Variants in SOBP observed in about 807,000 individuals in gnomAD.
SOBP encodes the protein sine oculis binding protein homolog.
Under a neutral mutation model 53.6 loss-of-function variants are expected in SOBP, and 4 were observed. The observed-to-expected ratio is 0.07, with a 90% CI of 0.04 to 0.17. The LOEUF (loss-of-function observed/expected upper bound fraction) is 0.17, where lower values mean the gene tolerates loss of function less well. SOBP is among the 10% of genes least tolerant of loss of function. The probability of loss-of-function intolerance (pLI) is 1.00; values close to 1 mark genes in which losing one functional copy is unlikely to be tolerated. For synonymous variants in SOBP, 584 were observed against 522.6 expected (o/e 1.12, Z -1.60); for missense variants, 1,088 against 1,204.7 (o/e 0.90, Z 1.43).
At chr6:107,569,285 CTAT>C (rs1341758383) in intron 4 of SOBP, among the ~76,000 whole-genome samples, 1 of 152,184 alleles carries the variant, frequency 6.6e-6, no homozygotes, top group African/African-American at 2.4e-5. Context: ...AATTTCATCA[CTAT>C]CCCCTACCAA....
At chr6:107,497,992 A>G (rs1276332276) in intron 1 of SOBP, among the ~76,000 whole-genome samples, 1 of 152,226 alleles carries the variant, frequency 6.6e-6, no homozygotes, top group Non-Finnish European at 1.5e-5. Context: ...CTAATACTAC[A>G]TGTTATAATT....
intron 1 of SOBP, among the ~76,000 whole-genome samples, chr6:107,492,905 T>TCA (rs1782613084): frequency 6.6e-6 from 1 of 152,162 alleles, no homozygotes; most frequent in Non-Finnish European, 1.5e-5. Context: ...TTAGTCATGT[T>TCA]CAAGTATACC....
intron 5 of SOBP, among the ~76,000 whole-genome samples, chr6:107,633,247 C>A (rs1359714601): frequency 6.6e-6 from 1 of 152,094 alleles, no homozygotes; most frequent in Non-Finnish European, 1.5e-5. Flanking sequence ...TCAGAACCAT[C>A]TTTAAGTCAT....
intron 4 of SOBP, among the ~76,000 whole-genome samples, chr6:107,562,905 CAAT>C (rs1274608305): frequency 1.3e-5 from 2 of 152,138 alleles, no homozygotes; most frequent in African/African-American, 2.4e-5. Flanking sequence ...GTAAAAATCT[CAAT>C]AGTCGTTGAA....
chr6:107,577,365 C>G (rs956180287), intron 4 of SOBP, among the ~76,000 whole-genome samples: 4 of 152,198 alleles, frequency 2.6e-5, no homozygotes, highest in African/African-American at 7.2e-5. Flanking sequence ...CAGAGGCTGG[C>G]CAACTGGCTT....
chr6:107,588,085 G>A (rs546374071), intron 5 of SOBP, among the ~76,000 whole-genome samples: 7 of 152,342 alleles, frequency 4.6e-5, no homozygotes, highest in African/African-American at 1.7e-4. Flanking sequence ...GAAAGAGAAT[G>A]AGGATGCTCA....
chr6:107,515,214 T>G (rs1163967225), intron 3 of SOBP: 1 of 152,140 alleles, frequency 6.6e-6, no homozygotes, highest in Non-Finnish European at 1.5e-5. Flanking sequence ...ATAAAATAAT[T>G]GAATCTTTTC....
chr6:107,566,367 A>G (rs1784917193), intron 4 of SOBP, among the ~76,000 whole-genome samples: 1 of 152,236 alleles, frequency 6.6e-6, no homozygotes, highest in African/African-American at 2.4e-5. Context: ...TTTAATCTGT[A>G]GGAGCCCATT....
intron 6 of SOBP, among the ~76,000 whole-genome samples, chr6:107,638,446 G>C (rs1347507487): frequency 6.6e-6 from 1 of 152,126 alleles, no homozygotes; most frequent in Non-Finnish European, 1.5e-5. Context: ...CCTGACCTCA[G>C]GTGATCCACC....
At chr6:107,642,255 A>G (rs1195929573) in intron 6 of SOBP, among the ~76,000 whole-genome samples, 1 of 151,864 alleles carries the variant, frequency 6.6e-6, no homozygotes, top group African/African-American at 2.4e-5. Context: ...GAAAAAAAAA[A>G]TAGGGTGGGG....
intron 6 of SOBP, among the ~76,000 whole-genome samples, chr6:107,639,987 A>C (rs1034760821): frequency 5.9e-5 from 9 of 152,218 alleles, no homozygotes; most frequent in African/African-American, 2.2e-4. Flanking sequence ...CTCCAGGCTC[A>C]GCAGGGGGGA....
At chr6:107,596,981 T>G (rs1785969126) in intron 5 of SOBP, among the ~76,000 whole-genome samples, 1 of 152,232 alleles carries the variant, frequency 6.6e-6, no homozygotes, top group South Asian at 2.1e-4. Context: ...CTTAACCATG[T>G]GAAGTACTCT....
At chr6:107,621,200 C>A in intron 5 of SOBP, 1 of 651,208 alleles carries the variant, frequency 1.5e-6, no homozygotes, top group Non-Finnish European at 1.9e-6. Flanking sequence ...GAATACCTAT[C>A]TGTGTCCCGG....
chr6:107,522,537 C>CTTTTTT (rs71551313), intron 3 of SOBP, among the ~76,000 whole-genome samples: 872 of 73,724 alleles, frequency 0.012, 5 homozygotes, highest in Middle Eastern at 0.018. Flanking sequence ...AGTATAAAAA[C>CTTTTTT]TTTTTTTTTT....
intron 4 of SOBP, among the ~76,000 whole-genome samples, chr6:107,564,894 G>A (rs143168116): frequency 6.6e-6 from 1 of 152,258 alleles, no homozygotes; most frequent in Non-Finnish European, 1.5e-5. Flanking sequence ...ATCTCACTTG[G>A]GGAAATATTG....
chr6:107,495,937 A>G (rs1380384027), intron 1 of SOBP, among the ~76,000 whole-genome samples: 1 of 152,130 alleles, frequency 6.6e-6, no homozygotes, highest in Admixed American at 6.5e-5. Flanking sequence ...TCTCAAGCTA[A>G]TAAGATTATT....
chr6:107,554,329 T>A (rs1030197365), intron 4 of SOBP, among the ~76,000 whole-genome samples: 1 of 152,122 alleles, frequency 6.6e-6, no homozygotes, highest in Non-Finnish European at 1.5e-5. Flanking sequence ...ACAAAACTGG[T>A]GATGTTAAGG....
At chr6:107,531,701 ATTGT>A (rs1193571903) in intron 3 of SOBP, among the ~76,000 whole-genome samples, 4 of 152,158 alleles carry the variant, frequency 2.6e-5, no homozygotes, top group Non-Finnish European at 5.9e-5. Flanking sequence ...AAATACAGTA[ATTGT>A]TTGACATTTG....
In SOBP at chr6:107,490,550, C is replaced by T. The variant is rs1782551455; in HGVS notation, c.-67C>T. The T allele has an allele frequency of 1.6e-6, 2 of 1,235,454 alleles. No homozygotes were observed. The highest frequency in any genetic ancestry group is 2.6e-5 in the East Asian group (1 of 39,166). 76.5% of individuals were successfully genotyped at this position (1,235,454 alleles called of 1,614,324 possible). A position where few individuals can be genotyped will look rare whatever the true frequency, so the allele number is the denominator to read the frequency against. On this transcript the variant is annotated 5_prime_UTR_variant, in exon 1 of 7. Coordinates refer to ENST00000317357, the MANE Select transcript of SOBP (RefSeq NM_018013.4). ...TCAGCACCACCTCCACCGCCGCCGC[C>T]GCCGCCACCACCACCGCCGGCGGCG...
Sources: allele counts gnomAD v4.1 joint callset (sites outside exome capture counted in the v4.1 genomes callset), GRCh38; gene constraint gnomAD v4.1.1; transcripts MANE v1.5; gene names NCBI Gene and HGNC (gene_info 2026-07-23, HGNC 2026-07-21).